The following USO1 variants were observed in gnomAD, a reference collection of about 807,000 sequenced individuals.
The protein encoded by USO1 is USO1 vesicle transport factor, also known as general vesicular transport factor p115.
In USO1, 57 loss-of-function variants were observed where a neutral mutation model predicts 124.5. The observed-to-expected ratio is 0.46, with a 90% CI of 0.37 to 0.57. The LOEUF is 0.57. Among genes scored for constraint, USO1 ranks in the 20% least tolerant of loss-of-function variants. The pLI, the probability that USO1 is intolerant of heterozygous loss-of-function variation, is 0.00. For missense variants in USO1, 900 were observed against 1,040.6 expected (o/e 0.86, Z 1.86); for synonymous variants, 369 against 362.8 (o/e 1.02, Z -0.19).
At chr4:75,779,658 T>G (rs1448188303) in intron 8 of USO1, among the ~76,000 whole-genome samples, 2 of 152,206 alleles carry the variant, frequency 1.3e-5, no homozygotes, top group African/African-American at 2.4e-5. Flanking sequence ...CAAGGAAAGT[T>G]GGAAGAATGG....
intron 1 of USO1, chr4:75,744,871 A>G (rs761120183): frequency 2.1e-6 from 1 of 487,410 alleles, no homozygotes; most frequent in Admixed American, 2.2e-5. Flanking sequence ...TTGCTGCAGT[A>G]TTTGTTACTG....
In USO1 at chr4:75,800,743, G is replaced by A; in HGVS notation, c.1808G>A (p.Ser603Asn). Reference sequence around the variant, plus strand: ...CAGAAACCCCAGCCAAACTTTCCCAGTCCAGAATACATGATATTTGATCAT... The same window carrying A: ...CAGAAACCCCAGCCAAACTTTCCCAATCCAGAATACATGATATTTGATCAT... ...ASQKPQPNFP[S>N]PEYMIFDHEF... Residue 603 changes from serine (S) to asparagine (N), a missense_variant, in exon 16 of 24, where the codon AGT (serine) becomes AAT (asparagine). Physicochemically the swap from Ser to Asn is conservative, Grantham distance 46. Around this residue, in one of 2 missense-constraint regions of USO1, gnomAD observed 538 missense variants for 681.6 expected, o/e 0.79. Coordinates refer to ENST00000514213, the MANE Select transcript of USO1 (RefSeq NM_003715.4). The A allele has an allele frequency of 1.3e-5, 21 of 1,613,400 alleles. No homozygotes were observed. Among genetic ancestry groups the A allele is most frequent in the Non-Finnish European group, 1.8e-5 (21 of 1,179,732 alleles).
chr4:75,806,595 T>C, intron 20 of USO1, 23 bp downstream of exon 20: 7 of 1,548,950 alleles, frequency 4.5e-6, no homozygotes, highest in Non-Finnish European at 5.2e-6. Flanking sequence ...TTTGATCCAA[T>C]TCTACTTTGT....
At chr4:75,744,212 C>T (rs943877282) in intron 1 of USO1, among the ~76,000 whole-genome samples, 2 of 152,134 alleles carry the variant, frequency 1.3e-5, no homozygotes, top group African/African-American at 4.8e-5. Flanking sequence ...TTCTTGGCCC[C>T]CCCATAAGTG....
intron 4 of USO1, among the ~76,000 whole-genome samples, chr4:75,762,964 TTTAA>T (rs1400097277): frequency 1.3e-5 from 2 of 152,190 alleles, no homozygotes; most frequent in African/African-American, 4.8e-5. Flanking sequence ...CATGTACCTG[TTTAA>T]TTAACTACCA....
At chr4:75,800,910 T>G (rs1722830827) in intron 16 of USO1, 111 bp downstream of exon 16, 1 of 1,452,182 alleles carries the variant, frequency 6.9e-7, no homozygotes, top group Non-Finnish European at 9.1e-7. Flanking sequence ...GTATATTTTC[T>G]TCCTAGCTCT....
chr4:75,740,683 C>T (rs1314072307), intron 1 of USO1, among the ~76,000 whole-genome samples: 2 of 152,100 alleles, frequency 1.3e-5, no homozygotes, highest in Non-Finnish European at 2.9e-5. Flanking sequence ...ATTCATAAAC[C>T]AGGTGAATAG....
At chr4:75,794,647 A>G (rs1201936514) in intron 13 of USO1, among the ~76,000 whole-genome samples, 1 of 152,180 alleles carries the variant, frequency 6.6e-6, no homozygotes. Flanking sequence ...TAAATCTAAA[A>G]TTGTTCTGTA....
At chr4:75,767,693 G>C (rs1298411553) in intron 4 of USO1, among the ~76,000 whole-genome samples, 1 of 152,140 alleles carries the variant, frequency 6.6e-6, no homozygotes, top group Non-Finnish European at 1.5e-5. Context: ...TGAGTTAATG[G>C]GTGTATTTTT....
intron 4 of USO1, chr4:75,767,451 T>C: frequency 2.2e-6 from 1 of 447,132 alleles, no homozygotes; most frequent in South Asian, 1.6e-5. Context: ...CTTTTAAAAG[T>C]TTGTAACTCT....
intron 1 of USO1, among the ~76,000 whole-genome samples, chr4:75,727,657 A>G (rs1295563118): frequency 6.6e-6 from 1 of 152,172 alleles, no homozygotes; most frequent in Non-Finnish European, 1.5e-5. Context: ...TATTTGAGTT[A>G]CCAGAGCTTG....
intron 1 of USO1, among the ~76,000 whole-genome samples, chr4:75,741,345 T>G (rs1165105359): frequency 1.3e-5 from 2 of 152,196 alleles, no homozygotes; most frequent in African/African-American, 4.8e-5. Context: ...TGAATGAATG[T>G]GAAGACCAAG....
intron 17 of USO1, among the ~76,000 whole-genome samples, chr4:75,803,101 C>A (rs1213992548): frequency 1.8e-4 from 22 of 120,650 alleles, no homozygotes; most frequent in East Asian, 2.7e-4. Flanking sequence ...AAAAAAAAAA[C>A]CCAAGAAAAA....
chr4:75,757,116 A>ACT (rs10646537), intron 3 of USO1, among the ~76,000 whole-genome samples: 136,057 of 151,686 alleles, frequency 0.9, 61,109 homozygotes, highest in African/African-American at 0.96. Flanking sequence ...AAATGGAATA[A>ACT]CTGTGCATAA....
At chr4:75,769,898 A>G in intron 4 of USO1, among the ~76,000 whole-genome samples, 1 of 152,198 alleles carries the variant, frequency 6.6e-6, no homozygotes, top group East Asian at 1.9e-4. Context: ...GGATATGTAT[A>G]TGAAAAAGAT....
At chr4:75,803,490 A>T (rs886563083) in intron 17 of USO1, among the ~76,000 whole-genome samples, 6 of 151,898 alleles carry the variant, frequency 4.0e-5, no homozygotes, top group Admixed American at 2.6e-4. Flanking sequence ...TCTACTAAAA[A>T]TACAAAAACA....
chr4:75,787,958 A>G (rs1033878299), intron 10 of USO1, among the ~76,000 whole-genome samples: 5 of 151,994 alleles, frequency 3.3e-5, no homozygotes, highest in African/African-American at 1.2e-4. Context: ...GCATAGGTAT[A>G]TATGCTTAAT....
chr4:75,777,961 T>TA (rs1271321928), intron 8 of USO1, among the ~76,000 whole-genome samples: 4 of 152,164 alleles, frequency 2.6e-5, no homozygotes, highest in Non-Finnish European at 4.4e-5. Context: ...AATGGATAGA[T>TA]AAACTGTACT....
Position 75,754,232 on chromosome 4 carries a change from C to T in USO1, c.218+1628C>T, listed in dbSNP as rs373324878. 1.3e-3 allele frequency among the ~76,000 whole-genome samples: 205 copies of T among 152,020 alleles called. 1 individual carries two copies. The highest frequency in any genetic ancestry group is 0.013 in the South Asian group (61 of 4,812). ...CCGAGTACCTGGGATTACAGGCATG[C>T]GCCACCATGCCTGGCTAATTTTGTA... On this transcript the variant is annotated intron_variant, in intron 3 of 23. Transcript: ENST00000514213.
Sources: allele counts gnomAD v4.1 joint callset (sites outside exome capture counted in the v4.1 genomes callset), GRCh38; gene constraint gnomAD v4.1.1; regional missense constraint gnomAD v4.1.1; transcripts MANE v1.5; gene names NCBI Gene and HGNC (gene_info 2026-07-23, HGNC 2026-07-21).